Variants in TANK observed in about 807,000 individuals in gnomAD.
The protein encoded by TANK is TRAF family member associated NFKB activator.
In TANK, 15 loss-of-function variants were observed where a neutral mutation model predicts 43.6. That is an observed-to-expected ratio of 0.34 (90% confidence interval 0.23 to 0.53). The LOEUF (loss-of-function observed/expected upper bound fraction) is 0.53. Among genes scored for constraint, TANK ranks in the 20% least tolerant of loss-of-function variants. The pLI is 0.94. For missense variants in TANK, 417 were observed against 498.6 expected, an observed-to-expected ratio of 0.84 and a Z score of 1.56; for synonymous variants, 162 against 178.2, an observed-to-expected ratio of 0.91 and a Z score of 0.73.
chr2:161,207,364 G>GT (rs1558996184), intron 4 of TANK: 13 of 963,790 alleles, frequency 1.3e-5, no homozygotes, highest in Non-Finnish European at 1.4e-5. Context: ...TAGGGGAAAG[G>GT]TTTATGTTTT....
At chr2:161,220,265 AAT>A (rs1301431197) in intron 4 of TANK, among the ~76,000 whole-genome samples, 2 of 152,198 alleles carry the variant, frequency 1.3e-5, no homozygotes, top group Non-Finnish European at 2.9e-5. Flanking sequence ...CATATGAGAG[AAT>A]ATACATCTTG....
chr2:161,169,117 G>A (rs927970074), intron 1 of TANK, among the ~76,000 whole-genome samples: 1 of 152,192 alleles, frequency 6.6e-6, no homozygotes, highest in Non-Finnish European at 1.5e-5. Flanking sequence ...TTCAATTAAA[G>A]AAAGAGATGG....
intron 6 of TANK, among the ~76,000 whole-genome samples, chr2:161,225,962 C>A (rs961559999): frequency 6.6e-6 from 1 of 152,040 alleles, no homozygotes; most frequent in East Asian, 1.9e-4. Context: ...CTTTTCTTCA[C>A]CTTAATTTTT....
chr2:161,213,956 A>T (rs1041196913), intron 4 of TANK, among the ~76,000 whole-genome samples: 1 of 152,188 alleles, frequency 6.6e-6, no homozygotes, highest in Non-Finnish European at 1.5e-5. Flanking sequence ...ATTCTGTAAC[A>T]TCATGAATCA....
At chr2:161,198,579 A>G (rs1299891260) in intron 2 of TANK, among the ~76,000 whole-genome samples, 1 of 152,238 alleles carries the variant, frequency 6.6e-6, no homozygotes, top group African/African-American at 2.4e-5. Flanking sequence ...TACCTTGCTC[A>G]TTGTTAAAAA....
At chr2:161,204,536 T>C in intron 3 of TANK, 139 bp from the exon 4 acceptor site, 1 of 724,282 alleles carries the variant, frequency 1.4e-6, no homozygotes, top group Non-Finnish European at 2.2e-6. Flanking sequence ...AAAGTAACTA[T>C]TACCTAAAGA....
At chr2:161,215,761 AAG>A (rs1328351763) in intron 4 of TANK, among the ~76,000 whole-genome samples, 1 of 152,052 alleles carries the variant, frequency 6.6e-6, no homozygotes, top group East Asian at 1.9e-4. Flanking sequence ...GAGGAGGGGG[AAG>A]AGTCACCTAA....
chr2:161,205,187 A>G (rs1411233653), intron 4 of TANK, among the ~76,000 whole-genome samples: 1 of 152,272 alleles, frequency 6.6e-6, no homozygotes, highest in Middle Eastern at 3.4e-3. Flanking sequence ...TTAGCCACGC[A>G]GAATGGCACA....
chr2:161,182,954 C>T (rs541391300), intron 2 of TANK, among the ~76,000 whole-genome samples: 2 of 152,084 alleles, frequency 1.3e-5, no homozygotes, highest in Non-Finnish European at 1.5e-5. Flanking sequence ...TTTCCTGAGG[C>T]GTGCTTCCAA....
intron 2 of TANK, among the ~76,000 whole-genome samples, chr2:161,190,071 C>T (rs1244793085): frequency 6.6e-6 from 1 of 152,076 alleles, no homozygotes; most frequent in East Asian, 1.9e-4. Flanking sequence ...AAAATATTTG[C>T]AAGTCATATT....
At chr2:161,192,325 C>T (rs555639103) in intron 2 of TANK, among the ~76,000 whole-genome samples, 8 of 152,244 alleles carry the variant, frequency 5.3e-5, no homozygotes, top group Admixed American at 2.6e-4. Flanking sequence ...TAAGCTGCTG[C>T]GTGGAATAAT....
At chr2:161,171,810 A>G (rs1158881261) in intron 1 of TANK, among the ~76,000 whole-genome samples, 1 of 152,170 alleles carries the variant, frequency 6.6e-6, no homozygotes, top group Non-Finnish European at 1.5e-5. Flanking sequence ...TTCTCTTTCG[A>G]AACAACTTTA....
chr2:161,186,061 C>G (rs1319520399), intron 2 of TANK, among the ~76,000 whole-genome samples: 1 of 151,950 alleles, frequency 6.6e-6, no homozygotes, highest in African/African-American at 2.4e-5. Context: ...TCCCAGCTAC[C>G]CAGGAGGCTG....
At position 161,230,530 on chromosome 2, in the gene TANK, CTTAG is replaced by C. The variant is rs1219723960; in HGVS notation, c.521-436_521-433del. Among the ~76,000 whole-genome samples the C allele has an allele frequency of 5.3e-5, 8 of 152,300 alleles. No individual in the cohort carries two copies. The East Asian group carries it at 1.2e-3, about 22-fold the overall frequency. ...AGTGGCTAAACTGATTAGTGATATA[CTTAG>C]TTAGACAGTGACATTAATAATAAAT... On this transcript the variant is annotated intron_variant, in intron 6 of 7. Transcript: ENST00000392749.
At chr2:161,169,948 TC>T (rs1198444453) in intron 1 of TANK, among the ~76,000 whole-genome samples, 2 of 152,176 alleles carry the variant, frequency 1.3e-5, no homozygotes, top group Admixed American at 1.3e-4. Flanking sequence ...TGCAAATAGA[TC>T]TTTGTTCCGA....
intron 1 of TANK, among the ~76,000 whole-genome samples, chr2:161,173,104 G>A (rs1422136371): frequency 3.3e-5 from 5 of 152,098 alleles, no homozygotes; most frequent in Admixed American, 3.3e-4. Flanking sequence ...TGAGTCTGCT[G>A]CATGTGGTTT....
rs1456663919 is a variant in TANK at position 161,179,652 on chromosome 2, G to A, written c.-11G>A. 5.0e-6 allele frequency: 8 copies of A among 1,612,704 alleles called. No homozygotes were observed. Among genetic ancestry groups the A allele is most frequent in the African/African-American group, 1.3e-5 (1 of 74,840 alleles). ...TCCATCCTTTATAGTGATGCTACAG[G>A]ACGAAGAGGAATGGATAAAAACATT... is the stretch of plus-strand genomic sequence containing the variant. On this transcript the variant is annotated 5_prime_UTR_variant, in exon 2 of 8. Coordinates refer to ENST00000392749, the MANE Select transcript of TANK (RefSeq NM_001199135.3).
intron 2 of TANK, among the ~76,000 whole-genome samples, chr2:161,190,971 G>A (rs1685890438): frequency 2.0e-5 from 3 of 152,074 alleles, no homozygotes; most frequent in African/African-American, 7.2e-5. Context: ...AATTGGTCTA[G>A]CCTAGATAAT....
At chr2:161,186,944 T>C (rs1252715986) in intron 2 of TANK, among the ~76,000 whole-genome samples, 1 of 152,026 alleles carries the variant, frequency 6.6e-6, no homozygotes, top group Non-Finnish European at 1.5e-5. Context: ...ATTAGGAAAA[T>C]GGAAATCAAA....
Sources: allele counts gnomAD v4.1 joint callset (sites outside exome capture counted in the v4.1 genomes callset), GRCh38; gene constraint gnomAD v4.1.1; transcripts MANE v1.5; gene names NCBI Gene and HGNC (gene_info 2026-07-23, HGNC 2026-07-21).